TMEM71: variants seen among roughly 807,000 people sequenced by gnomAD.
TMEM71 encodes the protein transmembrane protein 71.
TMEM71 carries 44 observed loss-of-function variants against 38.0 expected under a neutral mutation model. That is an observed-to-expected ratio of 1.16 (90% CI 0.91 to 1.49). The LOEUF is 1.49. TMEM71 is among the 40% of genes most tolerant of loss of function. The pLI, the probability that TMEM71 is intolerant of heterozygous loss-of-function variation, is 0.00. For synonymous variants in TMEM71, 133 were observed against 122.5 expected (o/e 1.09, Z -0.56); for missense variants, 367 against 348.6 (o/e 1.05, Z -0.42).
At position 132,755,511 on chromosome 8, in the gene TMEM71, G is replaced by A. The variant is rs554032148; in HGVS notation, c.101+1723C>T. ...AAGACAAAGCCCTTTCTTTTCTTGT[G>A]AGGTTACTGACTAGGCCTTAGAAGA... On this transcript the variant is annotated intron_variant, in intron 3 of 9. Transcript: ENST00000677595. Among the ~76,000 whole-genome samples, 11 of 152,288 alleles carry A rather than the reference G, an allele frequency of 7.2e-5. No homozygotes were observed. The South Asian group carries it at 2.3e-3, about 32-fold the overall frequency.
intron 5 of TMEM71, among the ~76,000 whole-genome samples, chr8:132,743,334 G>T (rs1178494172): frequency 6.6e-6 from 1 of 151,608 alleles, no homozygotes; most frequent in Non-Finnish European, 1.5e-5. Flanking sequence ...TGTACTCCTG[G>T]TTCTCTTCTG....
intron 4 of TMEM71, among the ~76,000 whole-genome samples, chr8:132,748,966 A>G (rs1828543251): frequency 1.3e-5 from 2 of 152,240 alleles, no homozygotes; most frequent in Non-Finnish European, 2.9e-5. Flanking sequence ...AATAAAATCT[A>G]CGTCATAAGA....
Position 132,751,852 on chromosome 8 carries a change from C to G in TMEM71, c.247G>C (p.Asp83His). ...YIWTEDSFLC[D>H]KDGNITLNPS... ...TTCAGAGTTATGTTGCCATCTTTGT[C>G]GCACAGGAAGCTGTCTTCAGTCCAA... Residue 83 changes from aspartate (D) to histidine (H), a missense_variant, in exon 4 of 10, where the codon GAC becomes CAC. Physicochemically the swap from Asp to His is moderately conservative, Grantham distance 81. Transcript: ENST00000677595. 1.9e-6 allele frequency: 3 copies of G among 1,613,992 alleles called. No homozygotes were observed. The highest frequency in any genetic ancestry group is 1.7e-4 in the Middle Eastern group (1 of 5,880).
chr8:132,749,317 C>A (rs1293019588), intron 4 of TMEM71, among the ~76,000 whole-genome samples: 3 of 152,150 alleles, frequency 2.0e-5, no homozygotes, highest in Admixed American at 6.5e-5. Flanking sequence ...ACAAGAGGAA[C>A]AATTCAAAAT....
At chr8:132,720,978 CA>C (rs764615108) in intron 7 of TMEM71, among the ~76,000 whole-genome samples, 2 of 152,178 alleles carry the variant, frequency 1.3e-5, no homozygotes, top group East Asian at 1.9e-4. Flanking sequence ...TGTCACAGGT[CA>C]GGGGGTAATA....
downstream of TMEM71, among the ~76,000 whole-genome samples, chr8:132,709,219 G>A (rs1485979966): frequency 6.6e-6 from 1 of 152,164 alleles, no homozygotes; most frequent in African/African-American, 2.4e-5. Flanking sequence ...TTAAATGAAA[G>A]GCTCCATATG....
rs1826210588 is a variant in TMEM71 at position 132,711,113 on chromosome 8, A to G, written c.873-131T>C. 5.0e-6 allele frequency: 4 copies of G among 801,914 alleles called. No homozygotes were observed. The Admixed American group carries it at 1.1e-4, about 22-fold the overall frequency. The allele number at this position is 801,914 out of a possible 1,614,324, so 49.7% of individuals were successfully genotyped here. A position where few individuals can be genotyped will look rare whatever the true frequency, so the allele number is the denominator to read the frequency against. On this transcript the variant is annotated intron_variant, in intron 9 of 9. Transcript: ENST00000677595. Reference sequence around the variant, plus strand: ...ACACCCATACCCACAACGGGCCTGAATTATCACAACTAGGAAGAGTGCAGC... The same window carrying G: ...ACACCCATACCCACAACGGGCCTGAGTTATCACAACTAGGAAGAGTGCAGC...
chr8:132,764,093 A>T (rs1829334622), upstream of TMEM71, among the ~76,000 whole-genome samples: 1 of 151,788 alleles, frequency 6.6e-6, no homozygotes. Context: ...AGAAATTGCG[A>T]CTCCTCTCCA....
At chr8:132,709,342 G>A (rs1475485625), downstream of TMEM71, among the ~76,000 whole-genome samples, 2 of 152,126 alleles carry the variant, frequency 1.3e-5, no homozygotes, top group African/African-American at 2.4e-5. Flanking sequence ...CAAAGGCATG[G>A]GACATATCCC....
At chr8:132,724,621 A>T (rs1396021146) in intron 6 of TMEM71, among the ~76,000 whole-genome samples, 1 of 152,198 alleles carries the variant, frequency 6.6e-6, no homozygotes, top group African/African-American at 2.4e-5. Flanking sequence ...TTTTACAATC[A>T]ATTTGTACAG....
chr8:132,707,196 T>C (rs970168659), downstream of TMEM71, among the ~76,000 whole-genome samples: 5 of 152,176 alleles, frequency 3.3e-5, no homozygotes, highest in African/African-American at 1.2e-4. Context: ...AGAGCTATAC[T>C]ATAGTATTTA....
At chr8:132,719,288 A>T (rs919953802) in intron 7 of TMEM71, among the ~76,000 whole-genome samples, 1 of 152,238 alleles carries the variant, frequency 6.6e-6, no homozygotes, top group Admixed American at 6.5e-5. Flanking sequence ...TAAATAAAAA[A>T]TTCAAAATCT....
chr8:132,743,333 G>C lies in TMEM71; in HGVS notation c.487+3609C>G, dbSNP rs74420602. On this transcript the variant is annotated intron_variant, in intron 5 of 9. Transcript: ENST00000677595. Reference sequence around the variant, plus strand: ...CTCATTCTCTCTTCATTGTACTCCTGGTTCTCTTCTGCCACTTTCACTCCA... The same window carrying C: ...CTCATTCTCTCTTCATTGTACTCCTCGTTCTCTTCTGCCACTTTCACTCCA... Among the ~76,000 whole-genome samples, 86 of 152,056 alleles carry C rather than the reference G, an allele frequency of 5.7e-4. 2 individuals are homozygous for C. In the East Asian group the frequency reaches 0.014, roughly 24 times the overall value.
rs1005771328 is a variant in TMEM71, at chr8:132,751,794, T to A, written c.305A>T (p.Asn102Ile). Residue 102 changes from asparagine to isoleucine, a missense_variant, in exon 4 of 10, where the codon AAC (asparagine) becomes ATC (isoleucine). By Grantham distance (149) the Asn-to-Ile change is moderately radical (BLOSUM62 -3). Transcript: ENST00000677595. ...AATATGCTCTGCTTACCTAACTAAG[T>A]TCTCCTTATACATAACGCTGGTCTG... is the stretch of plus-strand genomic sequence containing the variant. The part of the protein sequence containing the change: ...PSQTSVMYKE[N>I]LVRIFRKKKR... 2 of 1,613,354 alleles carry A rather than the reference T, an allele frequency of 1.2e-6. No homozygotes were observed. Among genetic ancestry groups the A allele is most frequent in the Non-Finnish European group, 8.5e-7 (1 of 1,179,952 alleles).
In TMEM71 at chr8:132,758,929, TA is replaced by T. The variant is rs760334155; in HGVS notation, c.-36-15del. On this transcript the variant is annotated splice_polypyrimidine_tract_variant and intron_variant, in intron 1 of 9. Transcript: ENST00000677595. ...TTCACAGATTCTCTGCAAAAGATGT[TA>T]AAAAAAAGGTGGACTATATATTAAA... The T allele has an allele frequency of 6.2e-5, 96 of 1,546,872 alleles. No individual in the cohort carries two copies. The highest frequency in any genetic ancestry group is 7.9e-5 in the South Asian group (7 of 89,006).
chr8:132,717,353 A>C (rs1826589323), intron 7 of TMEM71, among the ~76,000 whole-genome samples: 2 of 152,268 alleles, frequency 1.3e-5, no homozygotes, highest in Admixed American at 6.5e-5. Flanking sequence ...GAAGGGGTTA[A>C]TATGCAGAAT....
chr8:132,728,178 T>A (rs1182092408), intron 5 of TMEM71, among the ~76,000 whole-genome samples, 192 bp from the exon 6 acceptor site: 1 of 152,138 alleles, frequency 6.6e-6, no homozygotes, highest in Non-Finnish European at 1.5e-5. Flanking sequence ...ATTCGTCTGT[T>A]TTCATGCTGC....
chr8:132,742,047 C>T lies in TMEM71; in HGVS notation c.487+4895G>A, dbSNP rs572087287. Among the ~76,000 whole-genome samples the T allele has an allele frequency of 5.3e-3, 805 of 152,368 alleles. 13 individuals are homozygous for T. Among genetic ancestry groups the T allele is most frequent in the African/African-American group, 0.018 (757 of 41,586 alleles). On this transcript the variant is annotated intron_variant, in intron 5 of 9. Coordinates refer to ENST00000677595, the MANE Select transcript of TMEM71 (RefSeq NM_001382403.1). ...GTCTGGGCATAACAGAAGGCTCGCA[C>T]TCTTGTCTTCTGGACACTCCTCACT...
At chr8:132,733,628 T>C (rs538766366) in intron 5 of TMEM71, among the ~76,000 whole-genome samples, 1 of 152,194 alleles carries the variant, frequency 6.6e-6, no homozygotes, top group Non-Finnish European at 1.5e-5. Context: ...CTGGTTGCCA[T>C]AGAGAAAGGA....
Sources: allele counts gnomAD v4.1 joint callset (sites outside exome capture counted in the v4.1 genomes callset), GRCh38; gene constraint gnomAD v4.1.1; transcripts MANE v1.5; gene names NCBI Gene and HGNC (gene_info 2026-07-23, HGNC 2026-07-21).